Variants in PCF11 observed in about 807,000 individuals in gnomAD.
PCF11 encodes the protein PCF11 cleavage and polyadenylation factor subunit, also known as pre-mRNA cleavage complex 2 protein Pcf11.
A neutral mutation model predicts 166.1 loss-of-function variants in PCF11; 19 were observed. The observed-to-expected ratio is 0.11, with a 90% CI of 0.08 to 0.17. PCF11 has a LOEUF of 0.17. Ranked by LOEUF, PCF11 falls within the 10% of genes least tolerant of loss-of-function variation. PCF11 has a pLI of 1.00. For missense variants in PCF11, 1,565 were observed against 1,855.5 expected (o/e 0.84, Z 2.88); for synonymous variants, 663 against 644.1 (o/e 1.03, Z -0.44).
At chr11:83,158,101 T>A (rs2135411076) in intron 1 of PCF11, 1 of 156,000 alleles carries the variant, frequency 6.4e-6, no homozygotes, top group East Asian at 1.9e-4. Context: ...TGTTGGTGGG[T>A]GGGAATAGGG....
intron 9 of PCF11, among the ~76,000 whole-genome samples, chr11:83,175,882 A>G (rs1365465273): frequency 3.9e-5 from 6 of 152,224 alleles, no homozygotes; most frequent in Admixed American, 3.9e-4. Context: ...GGCTTATCTT[A>G]TTTATTCAAG....
intron 1 of PCF11, among the ~76,000 whole-genome samples, chr11:83,160,607 A>G (rs1860209312): frequency 6.6e-6 from 1 of 152,064 alleles, no homozygotes; most frequent in South Asian, 2.1e-4. Flanking sequence ...ATGTCAGAGG[A>G]AAATATCTCG....
chr11:83,180,466 A>C (rs1227261835), intron 11 of PCF11: 1 of 151,690 alleles, frequency 6.6e-6, no homozygotes, highest in African/African-American at 2.4e-5. Context: ...GTTTCTTCCC[A>C]AATAGGGAGC....
chr11:83,157,354 G>C (rs1179343042), exon 1 of PCF11: 2 of 1,228,836 alleles, frequency 1.6e-6, no homozygotes, highest in African/African-American at 1.5e-5. Flanking sequence ...GAGCCGGGGA[G>C]AGGAAGAGGA....
At chr11:83,157,410 C>T (rs1860031264) in exon 1 of PCF11, 1 of 1,591,070 alleles carries the variant, frequency 6.3e-7, no homozygotes, top group African/African-American at 1.3e-5. Flanking sequence ...GCTTCAGCTG[C>T]AGCGGACCTC....
chr11:83,175,334 T>C (rs1860838697), intron 9 of PCF11, among the ~76,000 whole-genome samples: 1 of 151,760 alleles, frequency 6.6e-6, no homozygotes, highest in African/African-American at 2.4e-5. Context: ...GGTTTCACCA[T>C]ATTGGCCAGG....
Position 83,167,855 on chromosome 11 carries a change from C to T in PCF11, c.2092+350C>T. Reference sequence around the variant, plus strand: ...GTACTTATGCTGAGAATCTTTCACCCCATGAGGGCCGGAGAAGACATGACG... The same window carrying T: ...GTACTTATGCTGAGAATCTTTCACCTCATGAGGGCCGGAGAAGACATGACG... On this transcript the variant is annotated intron_variant, in intron 7 of 15. Transcript: ENST00000298281. This position sits in a 1 kb window ranked among gnomAD's most constrained non-coding sequence, Gnocchi z 4.2. 5 of 1,313,402 alleles carry T rather than the reference C, an allele frequency of 3.8e-6. No individual in the cohort carries two copies. The highest frequency in any genetic ancestry group is 5.0e-6 in the Non-Finnish European group (5 of 1,005,124). 81.4% of individuals were successfully genotyped at this position (1,313,402 alleles called of 1,614,324 possible).
chr11:83,180,983 A>G, intron 11 of PCF11, 25 bp from the exon 12 acceptor site: 2 of 1,380,274 alleles, frequency 1.4e-6, no homozygotes, highest in Non-Finnish European at 1.0e-6. Flanking sequence ...TATCAACACT[A>G]AAGATTATTT....
rs377411910 is a variant in PCF11, at chr11:83,182,039, A to G, written c.4323+30A>G. 2.1e-5 allele frequency: 33 copies of G among 1,567,464 alleles called. No individual in the cohort carries two copies. In the African/African-American group the frequency reaches 4.1e-4, roughly 20 times the overall value. The stretch of plus-strand genomic sequence containing the variant: ...GAGAAGAACGTTTAAGTTTTCTCAC[A>G]GTGGGAGTGTCCCTCACTTCCTTTA... On this transcript the variant is annotated intron_variant, in intron 13 of 15. Coordinates refer to ENST00000298281, the Ensembl canonical transcript of PCF11.
At chr11:83,181,335 T>C (rs1030727207) in intron 12 of PCF11, 144 bp downstream of exon 12, 2 of 269,850 alleles carry the variant, frequency 7.4e-6, no homozygotes, top group Non-Finnish European at 1.3e-5. Context: ...AACATTGAAA[T>C]TTCCTGAATA....
intron 1 of PCF11, 146 bp from the exon 2 acceptor site, chr11:83,161,181 G>A (rs1358466517): frequency 6.6e-6 from 4 of 606,532 alleles, no homozygotes; most frequent in Non-Finnish European, 1.1e-5. Flanking sequence ...GAGCTTGATT[G>A]AACACTTAAG....
At chr11:83,186,657 T>C (rs530729353) in exon 16 of PCF11, 10 of 150,114 alleles carry the variant, frequency 6.7e-5, no homozygotes, top group African/African-American at 2.5e-4. Context: ...TAAGCTTTTT[T>C]ATTTTTTTAA....
intron 11 of PCF11, chr11:83,180,612 G>C (rs1165639773): frequency 2.6e-5 from 4 of 153,460 alleles, no homozygotes; most frequent in African/African-American, 9.6e-5. Context: ...ACACCAGAGT[G>C]GAGAAGTTGA....
At chr11:83,183,593 G>T (rs908982132) in intron 15 of PCF11, among the ~76,000 whole-genome samples, 5 of 151,848 alleles carry the variant, frequency 3.3e-5, no homozygotes, top group African/African-American at 1.2e-4. Context: ...TGGGTTCAAG[G>T]GATTCTCCTG....
At chr11:83,166,603 C>T (rs748140452) in exon 5 of PCF11, 2 of 1,613,876 alleles carry the variant, frequency 1.2e-6, no homozygotes, top group East Asian at 2.2e-5. Flanking sequence ...CCACAAGAAA[C>T]TACAAATCAG....
At chr11:83,165,734 C>T (rs774138245) in exon 5 of PCF11, 8 of 1,613,540 alleles carry the variant, frequency 5.0e-6, no homozygotes, top group Admixed American at 1.7e-5. Flanking sequence ...CTGAGAAAAG[C>T]CGTCCAGGAC....
chr11:83,178,770 G>A (rs1273224239), intron 11 of PCF11, among the ~76,000 whole-genome samples: 2 of 150,346 alleles, frequency 1.3e-5, no homozygotes, highest in African/African-American at 4.9e-5. Context: ...CCGAGATAAC[G>A]CCACTGCACT....
intron 1 of PCF11, chr11:83,158,461 C>G (rs546873091): frequency 6.6e-6 from 1 of 152,236 alleles, no homozygotes; most frequent in African/African-American, 2.4e-5. Context: ...TTTCTCCCTT[C>G]CCTGATAGCG....
chr11:83,157,302 C>T (rs1163285392), exon 1 of PCF11: 4 of 723,322 alleles, frequency 5.5e-6, no homozygotes, highest in African/African-American at 1.8e-5. Context: ...GTCCCCCATC[C>T]CCCCTCCGCG....
Sources: allele counts gnomAD v4.1 joint callset (sites outside exome capture counted in the v4.1 genomes callset), GRCh38; gene constraint gnomAD v4.1.1; non-coding constraint Gnocchi (gnomAD v3.1); transcripts MANE v1.5; gene names NCBI Gene and HGNC (gene_info 2026-07-23, HGNC 2026-07-21).